The following RAPGEF1 variants were observed in gnomAD, a reference collection of about 807,000 sequenced individuals.
RAPGEF1 encodes Rap guanine nucleotide exchange factor 1.
A neutral mutation model predicts 143.3 loss-of-function variants in RAPGEF1; 33 were observed. That is an observed-to-expected ratio of 0.23 (90% CI 0.17 to 0.31). RAPGEF1 has a LOEUF of 0.31. RAPGEF1 is among the 10% of genes least tolerant of loss of function. The probability of loss-of-function intolerance (pLI) is 1.00; values close to 1 mark genes in which losing one functional copy is unlikely to be tolerated. For synonymous variants in RAPGEF1, 629 were observed against 676.5 expected, an observed-to-expected ratio of 0.93 and a Z score of 1.09; for missense variants, 1,199 against 1,645.4, an observed-to-expected ratio of 0.73 and a Z score of 4.69.
chr9:131,588,473 G>A (rs973381720), intron 20 of RAPGEF1, among the ~76,000 whole-genome samples: 1 of 152,194 alleles, frequency 6.6e-6, no homozygotes, highest in Non-Finnish European at 1.5e-5. Flanking sequence ...TCGAGGGGAC[G>A]GGCCACAGAC....
At chr9:131,672,651 G>A (rs905797787) in intron 1 of RAPGEF1, among the ~76,000 whole-genome samples, 1 of 152,208 alleles carries the variant, frequency 6.6e-6, no homozygotes, top group Non-Finnish European at 1.5e-5. Flanking sequence ...GCCCAGCACA[G>A]CCCAGGGCAC....
intron 22 of RAPGEF1, 108 bp downstream of exon 22, chr9:131,587,628 A>T: frequency 1.0e-6 from 1 of 999,064 alleles, no homozygotes; most frequent in Non-Finnish European, 1.5e-6. Flanking sequence ...GGAATGAAAG[A>T]GGCAGCTCCT....
At chr9:131,605,370 C>T (rs1956956481) in intron 12 of RAPGEF1, among the ~76,000 whole-genome samples, 182 bp from the exon 13 acceptor site, 1 of 152,208 alleles carries the variant, frequency 6.6e-6, no homozygotes, top group African/African-American at 2.4e-5. Flanking sequence ...CCCAGCACCT[C>T]CTCCCTTGAG....
chr9:131,676,908 C>T (rs756413428), intron 1 of RAPGEF1, among the ~76,000 whole-genome samples: 5 of 151,884 alleles, frequency 3.3e-5, no homozygotes, highest in African/African-American at 4.8e-5. Context: ...GCCCATGCCA[C>T]ACCTACAGAA....
chr9:131,626,297 G>A lies in RAPGEF1; in HGVS notation c.1327C>T (p.Leu443Phe). 2 of 1,614,052 alleles carry A rather than the reference G, an allele frequency of 1.2e-6. No individual in the cohort carries two copies. Among genetic ancestry groups the A allele is most frequent in the Non-Finnish European group, 1.7e-6 (2 of 1,179,898 alleles). ...ESLGESGSPF[L>F]GPPFQLPLGG... is the part of the protein sequence containing the mutation. ...AGAGGCAGCTGGAAAGGAGGGCCAAGAAATGGAGACCCAGACTCCCCCAAA... is the reference window on the plus strand; with the variant it reads ...AGAGGCAGCTGGAAAGGAGGGCCAAAAAATGGAGACCCAGACTCCCCCAAA... The change falls in exon 10 of 27, where the codon CTT becomes TTT. Residue 443 changes from leucine to phenylalanine, a missense_variant. Leu to Phe is a conservative substitution (Grantham distance 22). Transcript: ENST00000683357.
chr9:131,655,059 T>C lies in RAPGEF1; in HGVS notation c.62-4110A>G, dbSNP rs1470704657. ...CCCTCCAAATAAATAGCACGGCACCTTGCACTACATGGCTCTCACTCTGTC... is the reference window on the plus strand; with the variant it reads ...CCCTCCAAATAAATAGCACGGCACCCTGCACTACATGGCTCTCACTCTGTC... On this transcript the variant is annotated intron_variant, in intron 1 of 26. Coordinates refer to ENST00000683357, the MANE Select transcript of RAPGEF1 (RefSeq NM_001377935.1). The surrounding 1 kb of genome is among the most constrained non-coding windows in gnomAD (Gnocchi z 4.1). Among the ~76,000 whole-genome samples, 6 of 152,178 alleles carry C rather than the reference T, an allele frequency of 3.9e-5. No individual in the cohort carries two copies. The highest frequency in any genetic ancestry group is 8.8e-5 in the Non-Finnish European group (6 of 68,030).
At chr9:131,669,757 C>T (rs1831050987) in intron 1 of RAPGEF1, among the ~76,000 whole-genome samples, 2 of 152,204 alleles carry the variant, frequency 1.3e-5, no homozygotes, top group African/African-American at 4.8e-5. Flanking sequence ...ACGGGAGGCT[C>T]CTGAGGGCCC....
chr9:131,650,731 G>T lies in RAPGEF1; in HGVS notation c.201+79C>A. 6.4e-7 allele frequency: 1 copy of T among 1,551,520 alleles called. No individual in the cohort carries two copies. The highest frequency in any genetic ancestry group is 1.2e-5 in the South Asian group (1 of 82,316). ...TGATGCACTGAAAGCTCAATCCCCA[G>T]GGAGGGAACATACAAATCGCACAAA... On this transcript the variant is annotated intron_variant, in intron 2 of 26. Coordinates refer to ENST00000683357, the MANE Select transcript of RAPGEF1 (RefSeq NM_001377935.1). The surrounding 1 kb of genome is among the most constrained non-coding windows in gnomAD (Gnocchi z 4.7).
In RAPGEF1 at chr9:131,583,890, C is replaced by T. The variant is rs1391402677; in HGVS notation, c.3414+421G>A. On this transcript the variant is annotated intron_variant, in intron 24 of 26. Transcript: ENST00000683357. The surrounding 1 kb of genome is among the most constrained non-coding windows in gnomAD (Gnocchi z 4.7). ...ACTTCCTCTGGGCTGGCCCACCTGCCCACCCTTCTTCTTTTAGTGCTTATC... is the reference window on the plus strand; with the variant it reads ...ACTTCCTCTGGGCTGGCCCACCTGCTCACCCTTCTTCTTTTAGTGCTTATC... Among the ~76,000 whole-genome samples, 1 of 152,222 alleles carries T rather than the reference C, an allele frequency of 6.6e-6. No individual in the cohort carries two copies. The highest frequency in any genetic ancestry group is 1.5e-5 in the Non-Finnish European group (1 of 68,034).
chr9:131,595,019 G>A (rs1037516488), intron 17 of RAPGEF1, among the ~76,000 whole-genome samples: 7 of 152,264 alleles, frequency 4.6e-5, no homozygotes, highest in African/African-American at 1.7e-4. Flanking sequence ...GGCTGCACTC[G>A]GCGCTCAGGA....
At chr9:131,674,714 C>T (rs945538866) in intron 1 of RAPGEF1, among the ~76,000 whole-genome samples, 9 of 152,224 alleles carry the variant, frequency 5.9e-5, no homozygotes, top group African/African-American at 1.7e-4. Context: ...GGCCTTCCCA[C>T]CAACCCAACC....
chr9:131,715,303 C>T (rs1835784932), intron 1 of RAPGEF1, among the ~76,000 whole-genome samples: 1 of 152,078 alleles, frequency 6.6e-6, no homozygotes, highest in South Asian at 2.1e-4. Context: ...GCAGGGCGAC[C>T]TAATCTAAGC....
intron 1 of RAPGEF1, among the ~76,000 whole-genome samples, chr9:131,726,366 CCT>C (rs1358975181): frequency 6.6e-6 from 1 of 152,074 alleles, no homozygotes; most frequent in Non-Finnish European, 1.5e-5. Context: ...GTGGCTCACA[CCT>C]GTAATCTCAC....
intron 10 of RAPGEF1, among the ~76,000 whole-genome samples, chr9:131,624,195 A>T (rs1191634189): frequency 6.6e-6 from 1 of 152,172 alleles, no homozygotes; most frequent in Non-Finnish European, 1.5e-5. Context: ...ATCTTGGGCA[A>T]TACTCAGTTC....
intron 22 of RAPGEF1, among the ~76,000 whole-genome samples, chr9:131,587,478 A>G (rs2132217081): frequency 6.6e-6 from 1 of 152,298 alleles, no homozygotes; most frequent in Non-Finnish European, 1.5e-5. Context: ...AACACCACCT[A>G]TGGCAGACAT....
intron 4 of RAPGEF1, among the ~76,000 whole-genome samples, chr9:131,643,034 C>A (rs1968504265): frequency 6.6e-6 from 1 of 152,132 alleles, no homozygotes; most frequent in African/African-American, 2.4e-5. Flanking sequence ...AGAGATGTGT[C>A]CCGGGCTTCA....
chr9:131,709,603 G>T, intron 1 of RAPGEF1: 1 of 1,611,810 alleles, frequency 6.2e-7, no homozygotes, highest in South Asian at 1.1e-5. Flanking sequence ...TGGAAAGGAA[G>T]CCCAGGGCTT....
At chr9:131,619,459 G>A (rs2132808704) in intron 11 of RAPGEF1, among the ~76,000 whole-genome samples, 1 of 152,326 alleles carries the variant, frequency 6.6e-6, no homozygotes, top group South Asian at 2.1e-4. Context: ...AGGTTGGGTG[G>A]AAGGAGGACG....
intron 18 of RAPGEF1, among the ~76,000 whole-genome samples, chr9:131,591,144 G>A (rs144523774): frequency 3.9e-5 from 6 of 152,328 alleles, no homozygotes; most frequent in South Asian, 4.1e-4. Context: ...AGAACTTGCC[G>A]GGGACCCGAG....
Sources: gnomAD v4.1 joint callset for allele counts (sites outside exome capture counted in the v4.1 genomes callset) on GRCh38, gnomAD v4.1.1 for gene constraint, Gnocchi (gnomAD v3.1) non-coding constraint, MANE v1.5 for transcripts, NCBI Gene and HGNC (gene_info 2026-07-23, HGNC 2026-07-21) for gene names.